The following CALCRL variants were observed in gnomAD, a reference collection of about 807,000 sequenced individuals.
CALCRL encodes calcitonin gene-related peptide type 1 receptor.
In CALCRL, 27 loss-of-function variants were observed where a neutral mutation model predicts 60.4. The ratio of observed to expected loss-of-function variants is 0.45; its 90% confidence interval spans 0.33 to 0.62. The LOEUF (loss-of-function observed/expected upper bound fraction) is 0.62. Ranked by LOEUF, CALCRL falls within the 20% of genes least tolerant of loss-of-function variation. The pLI is 0.03. For missense variants in CALCRL, 424 were observed against 540.7 expected (o/e 0.78, Z 2.14); for synonymous variants, 190 against 182.6 (o/e 1.04, Z -0.33).
rs141278199 is a variant in CALCRL at position 187,370,790 on chromosome 2, A to G, written c.501-7288T>C. Reference sequence around the variant, plus strand: ...GTATACTTTATGTAGAAATGCAATTATTTTATTATATAACTAAAATGGACA... The same window carrying G: ...GTATACTTTATGTAGAAATGCAATTGTTTTATTATATAACTAAAATGGACA... On this transcript the variant is annotated intron_variant, in intron 8 of 14. Coordinates refer to ENST00000392370, the MANE Select transcript of CALCRL (RefSeq NM_005795.6). Among the ~76,000 whole-genome samples the G allele has an allele frequency of 4.5e-3, 689 of 152,284 alleles. 7 individuals are homozygous for G. The highest frequency in any genetic ancestry group is 0.016 in the African/African-American group (655 of 41,570).
intron 10 of CALCRL, 57 bp downstream of exon 10, chr2:187,360,541 A>T: frequency 7.0e-7 from 1 of 1,433,880 alleles, no homozygotes; most frequent in Non-Finnish European, 9.4e-7. Flanking sequence ...GGAACCTGGC[A>T]TCCTCCAAAG....
At chr2:187,371,018 A>G (rs1338981682) in intron 8 of CALCRL, among the ~76,000 whole-genome samples, 12 of 152,118 alleles carry the variant, frequency 7.9e-5, no homozygotes, top group Admixed American at 2.0e-4. Flanking sequence ...CAAGGCGGGC[A>G]GATCACGAAT....
rs755268114 is a variant in CALCRL at position 187,359,229 on chromosome 2, G to A, written c.825C>T (p.Ser275=). 2.5e-6 allele frequency: 4 copies of A among 1,590,424 alleles called. No individual in the cohort carries two copies. The Admixed American group carries it at 6.8e-5, about 27-fold the overall frequency. The change falls in exon 11 of 15, where the codon AGC becomes AGT. Residue 275 remains serine (S), a synonymous_variant. Coordinates refer to ENST00000392370, the MANE Select transcript of CALCRL (RefSeq NM_005795.6). ...TTTCTTACTTGTCATTGTAATATAA[G>A]CTTCTAGCAATGGCATGTATACAAG... is the stretch of plus-strand genomic sequence containing the variant. ...IPACIHAIAR[S]LYYNDNCWIS...
intron 1 of CALCRL, among the ~76,000 whole-genome samples, chr2:187,403,623 G>T (rs1230555375): frequency 6.6e-6 from 1 of 151,862 alleles, no homozygotes; most frequent in Non-Finnish European, 1.5e-5. Flanking sequence ...AGTTTGCTAG[G>T]TACAAGGAAC....
At chr2:187,444,754 T>C (rs1414669407) in intron 1 of CALCRL, among the ~76,000 whole-genome samples, 1 of 151,520 alleles carries the variant, frequency 6.6e-6, no homozygotes, top group Non-Finnish European at 1.5e-5. Context: ...AAAAATTGAA[T>C]ACATTTCTTC....
chr2:187,427,725 C>A (rs1258155823), intron 1 of CALCRL, among the ~76,000 whole-genome samples: 1 of 152,058 alleles, frequency 6.6e-6, no homozygotes, highest in African/African-American at 2.4e-5. Flanking sequence ...GAAGAATTCT[C>A]CTCTCCATGA....
chr2:187,396,338 T>G (rs1688652048), intron 1 of CALCRL, among the ~76,000 whole-genome samples: 1 of 151,868 alleles, frequency 6.6e-6, no homozygotes, highest in South Asian at 2.1e-4. Flanking sequence ...CAAGCACACT[T>G]CTTCATTAGC....
intron 1 of CALCRL, among the ~76,000 whole-genome samples, chr2:187,399,167 T>C (rs1688776653): frequency 6.6e-6 from 1 of 151,622 alleles, no homozygotes; most frequent in South Asian, 2.1e-4. Flanking sequence ...TGTAGATATT[T>C]ACAGATTGTT....
At chr2:187,425,784 C>T (rs1257432062) in intron 1 of CALCRL, among the ~76,000 whole-genome samples, 4 of 151,932 alleles carry the variant, frequency 2.6e-5, no homozygotes, top group Non-Finnish European at 5.9e-5. Flanking sequence ...TTTGAAAGAA[C>T]TTCAGCCATT....
At chr2:187,442,367 AT>A (rs968505899) in intron 1 of CALCRL, among the ~76,000 whole-genome samples, 22 of 149,746 alleles carry the variant, frequency 1.5e-4, no homozygotes, top group South Asian at 6.3e-4. Context: ...CTTTGAATGT[AT>A]TTTTTTTTAA....
At chr2:187,372,487 T>G (rs1049042023) in intron 8 of CALCRL, among the ~76,000 whole-genome samples, 1 of 152,130 alleles carries the variant, frequency 6.6e-6, no homozygotes, top group Non-Finnish European at 1.5e-5. Context: ...TTCCTTTAAT[T>G]GGCTCTAATA....
At chr2:187,358,850 C>G (rs1408782061) in intron 12 of CALCRL, among the ~76,000 whole-genome samples, 1 of 152,078 alleles carries the variant, frequency 6.6e-6, no homozygotes, top group African/African-American at 2.4e-5. Context: ...TTGTTGGTCC[C>G]TAATGGCTCA....
At chr2:187,362,152 G>A (rs1486163014) in intron 9 of CALCRL, among the ~76,000 whole-genome samples, 1 of 151,714 alleles carries the variant, frequency 6.6e-6, no homozygotes, top group African/African-American at 2.4e-5. Flanking sequence ...TTCTATGCAG[G>A]GCATTAGTAA....
chr2:187,415,814 T>A lies in CALCRL; in HGVS notation c.-292-28058A>T, dbSNP rs1689579183. ...GAATTTGGCTACACCAACAGGGTGG[T>A]GGATCATGGTCCACATGGCCTCCAG... On this transcript the variant is annotated intron_variant, in intron 1 of 14. Transcript: ENST00000392370. The A allele has an allele frequency of 7.2e-6, 3 of 418,440 alleles. No individual in the cohort carries two copies. In the South Asian group the frequency reaches 8.6e-5, roughly 12 times the overall value. 25.9% of individuals were successfully genotyped at this position (418,440 alleles called of 1,614,324 possible).
chr2:187,373,812 G>A (rs1202792827), intron 8 of CALCRL, among the ~76,000 whole-genome samples: 1 of 152,040 alleles, frequency 6.6e-6, no homozygotes, highest in Non-Finnish European at 1.5e-5. Context: ...CATGTTCCAC[G>A]CTACACAGCA....
chr2:187,365,631 CA>C (rs1481015326), intron 8 of CALCRL, among the ~76,000 whole-genome samples: 1 of 152,042 alleles, frequency 6.6e-6, no homozygotes, highest in Non-Finnish European at 1.5e-5. Flanking sequence ...TTTGCTTAAA[CA>C]GCAAGTAAGA....
intron 1 of CALCRL, among the ~76,000 whole-genome samples, chr2:187,409,506 AATT>A (rs1299895854): frequency 6.6e-6 from 1 of 152,208 alleles, no homozygotes; most frequent in African/African-American, 2.4e-5. Context: ...CCTGCAGTGA[AATT>A]ATTAAATGTC....
At chr2:187,408,595 T>C (rs1689230633) in intron 1 of CALCRL, among the ~76,000 whole-genome samples, 2 of 152,112 alleles carry the variant, frequency 1.3e-5, no homozygotes, top group Non-Finnish European at 2.9e-5. Flanking sequence ...CTCTGTTCTG[T>C]ACAGAAATTA....
intron 1 of CALCRL, among the ~76,000 whole-genome samples, chr2:187,429,599 G>A (rs1299655985): frequency 6.6e-6 from 1 of 152,058 alleles, no homozygotes; most frequent in Non-Finnish European, 1.5e-5. Context: ...TAATATGATG[G>A]CAAACTGCAA....
Sources: gnomAD v4.1 joint callset for allele counts (sites outside exome capture counted in the v4.1 genomes callset) on GRCh38, gnomAD v4.1.1 for gene constraint, MANE v1.5 for transcripts, NCBI Gene and HGNC (gene_info 2026-07-23, HGNC 2026-07-21) for gene names.